Variants in RIGI observed in about 807,000 individuals in gnomAD.
RIGI encodes antiviral innate immune response receptor RIG-I.
the RIGI span, chr9:32,457,457 G>A: frequency 2.6e-4 from 378 of 1,470,304 alleles, 4 homozygotes; most frequent in East Asian, 8.2e-3. Context: ...AAAAGAGAAC[G>A]TTAGAACCAG....
At chr9:32,494,566 TTAAC>T in the RIGI span, among the ~76,000 whole-genome samples, 5 of 152,212 alleles carry the variant, frequency 3.3e-5, no homozygotes, top group South Asian at 2.1e-4. Flanking sequence ...ATTTACCATC[TTAAC>T]TATTTTTAAA....
At chr9:32,459,422 G>A in the RIGI span, 4 of 1,613,702 alleles carry the variant, frequency 2.5e-6, no homozygotes, top group East Asian at 8.9e-5. Context: ...TGCACTTTCT[G>A]CAGAGCAGTT....
chr9:32,521,117 G>A, the RIGI span, among the ~76,000 whole-genome samples: 1 of 102,940 alleles, frequency 9.7e-6, no homozygotes, highest in East Asian at 2.8e-4. Context: ...TGTAGCCTGG[G>A]CAACAGAGCC....
chr9:32,526,195 TC>T, the RIGI span: 1 of 1,579,532 alleles, frequency 6.3e-7, no homozygotes. Flanking sequence ...CTAGCTACGT[TC>T]CCCGCAGGCT....
At chr9:32,513,867 TAAAC>T in the RIGI span, among the ~76,000 whole-genome samples, 1 of 152,094 alleles carries the variant, frequency 6.6e-6, no homozygotes, top group African/African-American at 2.4e-5. Flanking sequence ...ACAAGGAACT[TAAAC>T]AAATTTAAAA....
the RIGI span, chr9:32,498,450 C>G: frequency 2.3e-6 from 1 of 431,270 alleles, no homozygotes; most frequent in Admixed American, 2.4e-5. Flanking sequence ...CGAGGCTACA[C>G]TTCCCAGCCT....
At chr9:32,482,261 A>C in the RIGI span, among the ~76,000 whole-genome samples, 4 of 152,118 alleles carry the variant, frequency 2.6e-5, no homozygotes, top group Non-Finnish European at 5.9e-5. Flanking sequence ...AAAGTACCTT[A>C]CATTCATAAT....
the RIGI span, among the ~76,000 whole-genome samples, chr9:32,492,898 A>C: frequency 6.6e-6 from 1 of 150,974 alleles, no homozygotes; most frequent in East Asian, 1.9e-4. Flanking sequence ...AATATTAACA[A>C]ATTTTTCTTC....
chr9:32,524,052 T>C, the RIGI span, among the ~76,000 whole-genome samples: 1 of 152,146 alleles, frequency 6.6e-6, no homozygotes, highest in Non-Finnish European at 1.5e-5. Flanking sequence ...TCAGTTCAAA[T>C]GCCAAATATC....
chr9:32,511,477 T>C, the RIGI span, among the ~76,000 whole-genome samples: 1 of 152,146 alleles, frequency 6.6e-6, no homozygotes, highest in African/African-American at 2.4e-5. Context: ...TGCTCCTGAA[T>C]GACTACAGGG....
the RIGI span, among the ~76,000 whole-genome samples, chr9:32,520,835 TGGTGGCTCAGGCCGGG>T: frequency 3.0e-5 from 1 of 32,966 alleles, no homozygotes; most frequent in African/African-American, 8.3e-5. Flanking sequence ...AGGCTGGGCG[TGGTGGCTCAGGCCGGG>T]GCTGGTGACT....
At chr9:32,509,979 AG>A in the RIGI span, among the ~76,000 whole-genome samples, 1 of 151,930 alleles carries the variant, frequency 6.6e-6, no homozygotes, top group Admixed American at 6.6e-5. Context: ...AGCAGAAGAA[AG>A]GATATCAGAG....
At chr9:32,469,267 C>T in the RIGI span, among the ~76,000 whole-genome samples, 2 of 152,126 alleles carry the variant, frequency 1.3e-5, no homozygotes, top group Non-Finnish European at 2.9e-5. Context: ...CCCCTGAGAT[C>T]GTGAGGGTTG....
chr9:32,481,868 A>T, the RIGI span, among the ~76,000 whole-genome samples: 1 of 152,338 alleles, frequency 6.6e-6, no homozygotes, highest in African/African-American at 2.4e-5. Context: ...TACAGGCGTG[A>T]GCCACTGCAC....
At chr9:32,498,440 C>T in the RIGI span, 4 of 442,538 alleles carry the variant, frequency 9.0e-6, no homozygotes, top group South Asian at 6.3e-5. Flanking sequence ...GCTTCTGGCC[C>T]GAGGCTACAC....
chr9:32,484,721 T>C, the RIGI span, among the ~76,000 whole-genome samples: 3 of 152,320 alleles, frequency 2.0e-5, no homozygotes, highest in Non-Finnish European at 4.4e-5. Context: ...TTTTTCCCCA[T>C]TGTTTTTAGG....
the RIGI span, among the ~76,000 whole-genome samples, chr9:32,490,506 A>G: frequency 6.6e-6 from 1 of 152,206 alleles, no homozygotes; most frequent in East Asian, 1.9e-4. Flanking sequence ...TGACCAAAAA[A>G]ACAAAACAAA....
the RIGI span, chr9:32,485,041 C>A: frequency 1.1e-5 from 7 of 611,546 alleles, no homozygotes. Flanking sequence ...TCCTAAATAA[C>A]CTATAATCAA....
At chr9:32,492,670 T>C in the RIGI span, 1 of 1,034,154 alleles carries the variant, frequency 9.7e-7, no homozygotes, top group Non-Finnish European at 1.4e-6. Flanking sequence ...GTGGGTCATA[T>C]CCATGACAAT....
Sources: allele counts gnomAD v4.1 joint callset (sites outside exome capture counted in the v4.1 genomes callset), GRCh38; gene constraint gnomAD v4.1.1; transcripts MANE v1.5; gene names NCBI Gene and HGNC (gene_info 2026-07-23, HGNC 2026-07-21).